NUP98: variants seen among roughly 807,000 people sequenced by gnomAD.
NUP98 encodes the protein nucleoporin 98 and 96 precursor, also known as nuclear pore complex protein Nup98-Nup96.
A neutral mutation model predicts 191.9 loss-of-function variants in NUP98; 26 were observed. The observed-to-expected ratio is 0.14, with a 90% CI of 0.10 to 0.19. The LOEUF (loss-of-function observed/expected upper bound fraction) is 0.19, where lower values mean the gene tolerates loss of function less well. NUP98 is among the 10% of genes least tolerant of loss of function. The pLI, the probability that NUP98 is intolerant of heterozygous loss-of-function variation, is 1.00. For synonymous variants in NUP98, 808 were observed against 778.4 expected (o/e 1.04, Z -0.63); for missense variants, 1,941 against 2,178.8 (o/e 0.89, Z 2.17).
At chr11:3,698,631 G>A (rs569554473) in intron 25 of NUP98, among the ~76,000 whole-genome samples, 2 of 147,528 alleles carry the variant, frequency 1.4e-5, no homozygotes, top group Non-Finnish European at 3.0e-5. Flanking sequence ...GGAGGCTGAG[G>A]CAAGAGAATC....
rs569478230 is a variant in NUP98 at position 3,719,052 on chromosome 11, G to A, written c.2399+360C>T. Among the ~76,000 whole-genome samples the A allele has an allele frequency of 5.9e-5, 9 of 151,792 alleles. No homozygotes were observed. In the East Asian group the frequency reaches 9.8e-4, roughly 16 times the overall value. On this transcript the variant is annotated intron_variant, in intron 18 of 32. Coordinates refer to ENST00000324932, the MANE Select transcript of NUP98 (RefSeq NM_016320.5). ...GGAGAATCGCTTGAACCCGGGAGTC[G>A]GAGGTTGCAGTGAACTGACATCATT...
At chr11:3,683,537 C>T in intron 29 of NUP98, 96 bp from the exon 30 acceptor site, 1 of 1,262,274 alleles carries the variant, frequency 7.9e-7, no homozygotes, top group Non-Finnish European at 1.1e-6. Flanking sequence ...GTCTCTTAAA[C>T]TGCAGGTCTT....
At position 3,729,182 on chromosome 11, in the gene NUP98, A is replaced by T. The variant is rs902724217; in HGVS notation, c.1730+2209T>A. ...CAGACTACAGATGATATTTAAAGCC[A>T]TGAGAATAAATTGAAGCACTTTGGA... On this transcript the variant is annotated intron_variant, in intron 14 of 32. Transcript: ENST00000324932. Among the ~76,000 whole-genome samples the T allele has an allele frequency of 2.6e-5, 4 of 152,196 alleles. No individual in the cohort carries two copies. In the South Asian group the frequency reaches 8.3e-4, roughly 32 times the overall value.
rs76515767 is a variant in NUP98 at position 3,767,867 on chromosome 11, G to A, written c.948+714C>T. ...TTTGTATGATTCCCAAGGGAACTAG[G>A]TGAACGTTCCCTTAGTTCCTGTTGT... On this transcript the variant is annotated intron_variant, in intron 8 of 32. Transcript: ENST00000324932. Among the ~76,000 whole-genome samples, 7 of 151,688 alleles carry A rather than the reference G, an allele frequency of 4.6e-5. No homozygotes were observed. In the South Asian group the frequency reaches 1.3e-3, roughly 27 times the overall value.
intron 12 of NUP98, among the ~76,000 whole-genome samples, chr11:3,743,125 T>C (rs1041773190): frequency 6.6e-6 from 1 of 151,850 alleles, no homozygotes; most frequent in Non-Finnish European, 1.5e-5. Context: ...TCCAAGCGAT[T>C]CTCCTGCCTC....
intron 1 of NUP98, among the ~76,000 whole-genome samples, chr11:3,790,898 ATTTTTT>A (rs113941509): frequency 6.9e-6 from 1 of 144,536 alleles, no homozygotes; most frequent in African/African-American, 2.5e-5. Context: ...CACCATTTTA[ATTTTTT>A]TTTTTTTTTG....
At chr11:3,767,174 G>T (rs919920361) in intron 8 of NUP98, among the ~76,000 whole-genome samples, 17 of 151,978 alleles carry the variant, frequency 1.1e-4, no homozygotes, top group African/African-American at 3.6e-4. Context: ...TGTTTGCCAG[G>T]CTGGTCTCGA....
At chr11:3,695,717 ATTG>A in intron 25 of NUP98, 111 bp from the exon 26 acceptor site, 3 of 743,818 alleles carry the variant, frequency 4.0e-6, no homozygotes, top group Non-Finnish European at 3.9e-6. Context: ...AGGATTTAAC[ATTG>A]TTAACTGCTT....
In NUP98 at chr11:3,754,795, A is replaced by C. The variant is rs138705413; in HGVS notation, c.1175-1387T>G. Among the ~76,000 whole-genome samples the C allele has an allele frequency of 1.1e-3, 163 of 152,100 alleles. 2 individuals are homozygous for C. Among genetic ancestry groups the C allele is most frequent in the African/African-American group, 3.8e-3 (159 of 41,488 alleles). ...CACCTCTACTAAAAATACACAAATTAGCTGGGTGTGGTGGTGCACACCCAG... is the reference window on the plus strand; with the variant it reads ...CACCTCTACTAAAAATACACAAATTCGCTGGGTGTGGTGGTGCACACCCAG... On this transcript the variant is annotated intron_variant, in intron 10 of 32. Transcript: ENST00000324932.
chr11:3,716,829 T>A (rs985733605), intron 18 of NUP98, among the ~76,000 whole-genome samples: 1 of 152,204 alleles, frequency 6.6e-6, no homozygotes, highest in Non-Finnish European at 1.5e-5. Context: ...TAATAAGTTT[T>A]GAAATTTGGA....
chr11:3,770,719 T>C lies in NUP98; in HGVS notation c.784+1029A>G, dbSNP rs536739125. Among the ~76,000 whole-genome samples the C allele has an allele frequency of 8.5e-5, 13 of 152,298 alleles. 1 individual carries two copies. In the South Asian group the frequency reaches 1.2e-3, roughly 15 times the overall value. On this transcript the variant is annotated intron_variant, in intron 7 of 32. Transcript: ENST00000324932. The stretch of plus-strand genomic sequence containing the variant: ...TGTATTTTGTGAACTTTGTATCACA[T>C]ATGTGCATTACTTTTGCAAAAGTAG...
intron 13 of NUP98, among the ~76,000 whole-genome samples, chr11:3,733,796 T>A (rs778154358): frequency 6.6e-6 from 1 of 152,216 alleles, no homozygotes; most frequent in Admixed American, 6.5e-5. Flanking sequence ...TAAACTTAAG[T>A]GCTTGTATGT....
Position 3,686,099 on chromosome 11 carries a change from G to C in NUP98, c.4550C>G (p.Ala1517Gly). The C allele has an allele frequency of 6.2e-7, 1 of 1,614,186 alleles. No homozygotes were observed. Among genetic ancestry groups the C allele is most frequent in the Non-Finnish European group, 8.5e-7 (1 of 1,180,038 alleles). Residue 1517 changes from alanine to glycine, a missense_variant, in exon 29 of 33, where the codon GCT (alanine) becomes GGT (glycine). Physicochemically the swap from Ala to Gly is moderately conservative, Grantham distance 60 (BLOSUM62 0). Transcript: ENST00000324932. ...CGCTGAGAGATGGGTGTAGTTAAGA[G>C]CCCTCAGCACTTCCCACAAGTGCCA... Reference protein sequence around the residue: ...LSWHLWEVLRALNYTHLSAQC... With the variant: ...LSWHLWEVLRGLNYTHLSAQC...
At chr11:3,774,206 T>G (rs2081626059) in intron 5 of NUP98, among the ~76,000 whole-genome samples, 1 of 150,448 alleles carries the variant, frequency 6.6e-6, no homozygotes, top group Admixed American at 6.7e-5. Flanking sequence ...GAGACCAGCC[T>G]GGCTAATATG....
chr11:3,689,299 G>A (rs1382195976), intron 28 of NUP98, among the ~76,000 whole-genome samples: 2 of 152,072 alleles, frequency 1.3e-5, no homozygotes, highest in East Asian at 3.9e-4. Flanking sequence ...GGCTGAGGTG[G>A]GCAGATCACG....
chr11:3,741,553 G>A (rs544324036), intron 12 of NUP98, among the ~76,000 whole-genome samples: 4 of 152,098 alleles, frequency 2.6e-5, no homozygotes, highest in South Asian at 4.2e-4. Context: ...TCCAGGAGGC[G>A]GATATAGAAG....
chr11:3,745,022 G>T (rs1016769584), intron 11 of NUP98, among the ~76,000 whole-genome samples: 13 of 152,116 alleles, frequency 8.5e-5, no homozygotes, highest in Non-Finnish European at 1.5e-5. Flanking sequence ...TTTAACAGAG[G>T]AGAAAACTTA....
At chr11:3,743,480 A>C (rs888690575) in intron 12 of NUP98, among the ~76,000 whole-genome samples, 1 of 137,636 alleles carries the variant, frequency 7.3e-6, no homozygotes, top group African/African-American at 2.7e-5. Context: ...CCCCGTCTCT[A>C]CTGAAAATAC....
intron 28 of NUP98, among the ~76,000 whole-genome samples, chr11:3,689,562 G>A (rs1349004268): frequency 1.3e-5 from 2 of 151,960 alleles, no homozygotes; most frequent in African/African-American, 4.8e-5. Flanking sequence ...CACCAACACT[G>A]AGATAGTTCT....
Sources: gnomAD v4.1 joint callset for allele counts (sites outside exome capture counted in the v4.1 genomes callset) on GRCh38, gnomAD v4.1.1 for gene constraint, MANE v1.5 for transcripts, NCBI Gene and HGNC (gene_info 2026-07-23, HGNC 2026-07-21) for gene names.